The following G3BP2 variants were observed in gnomAD, a reference collection of about 807,000 sequenced individuals.
G3BP2 encodes the protein G3BP stress granule assembly factor 2, also known as ras GTPase-activating protein-binding protein 2.
In G3BP2, 11 loss-of-function variants were observed where a neutral mutation model predicts 56.7. The observed-to-expected ratio is 0.19, with a 90% CI of 0.12 to 0.32. The LOEUF (loss-of-function observed/expected upper bound fraction) is 0.32. Among genes scored for constraint, G3BP2 ranks in the 10% least tolerant of loss-of-function variants. The pLI is 1.00. For synonymous variants in G3BP2, 165 were observed against 191.6 expected (o/e 0.86, Z 1.15); for missense variants, 340 against 610.9 (o/e 0.56, Z 4.67).
chr4:75,669,360 C>T (rs976487490), intron 1 of G3BP2, among the ~76,000 whole-genome samples: 2 of 152,178 alleles, frequency 1.3e-5, no homozygotes, highest in African/African-American at 4.8e-5. Context: ...GACTTTCTCC[C>T]CTTTAGCTTT....
chr4:75,683,664 A>C (rs1404838239), intron 3 of G3BP2, among the ~76,000 whole-genome samples: 1 of 152,084 alleles, frequency 6.6e-6, no homozygotes, highest in African/African-American at 2.4e-5. Context: ...TGCCACTCTG[A>C]CCTATATGCC....
intron 3 of G3BP2, among the ~76,000 whole-genome samples, chr4:75,658,140 G>A (rs958365829): frequency 6.6e-6 from 1 of 152,070 alleles, no homozygotes; most frequent in African/African-American, 2.4e-5. Context: ...TCCCTGTTAG[G>A]CCATAGGAAA....
intron 8 of G3BP2, among the ~76,000 whole-genome samples, chr4:75,653,574 T>G (rs1268603494): frequency 2.1e-5 from 3 of 139,744 alleles, no homozygotes; most frequent in Non-Finnish European, 3.0e-5. Flanking sequence ...TTCCTGGTTT[T>G]TTTTTTTTTT....
chr4:75,667,038 A>G (rs1460698701), intron 1 of G3BP2, among the ~76,000 whole-genome samples: 1 of 152,122 alleles, frequency 6.6e-6, no homozygotes, highest in Non-Finnish European at 1.5e-5. Flanking sequence ...TGTAATCCCA[A>G]TATTTTGGGA....
intron 3 of G3BP2, among the ~76,000 whole-genome samples, chr4:75,704,166 G>C (rs933237616): frequency 1.3e-5 from 2 of 151,704 alleles, no homozygotes; most frequent in East Asian, 1.9e-4. Context: ...TTACAGGCAC[G>C]CGCCACCATG....
At chr4:75,668,684 C>A (rs1349524458) in intron 1 of G3BP2, among the ~76,000 whole-genome samples, 1 of 152,126 alleles carries the variant, frequency 6.6e-6, no homozygotes, top group Admixed American at 6.5e-5. Flanking sequence ...AGTCTGTTAA[C>A]AAGAAGCAGG....
intron 1 of G3BP2, among the ~76,000 whole-genome samples, chr4:75,669,966 C>T (rs562095075): frequency 4.3e-4 from 66 of 152,218 alleles, no homozygotes; most frequent in Non-Finnish European, 7.2e-4. Context: ...CAGTGGCGGG[C>T]GCCTGTAATC....
chr4:75,694,586 A>G (rs1489019484), intron 3 of G3BP2, among the ~76,000 whole-genome samples: 3 of 152,364 alleles, frequency 2.0e-5, no homozygotes, highest in African/African-American at 7.2e-5. Context: ...CCTGGACGAC[A>G]GGGCGAGACT....
At chr4:75,664,329 C>T (rs1732819047) in intron 1 of G3BP2, among the ~76,000 whole-genome samples, 1 of 152,086 alleles carries the variant, frequency 6.6e-6, no homozygotes, top group Non-Finnish European at 1.5e-5. Flanking sequence ...GTAATCCCAG[C>T]ACTTCAGGAG....
At position 75,643,295 on chromosome 4, in the gene G3BP2, T is replaced by TTATATATATATATA. The variant is rs6148524; in HGVS notation, c.*2121_*2134dup. ...GCAGGGCAATATCCTGAATTGGAAATTATATATATATATATATATATGGAA... is the reference window on the plus strand; with the variant it reads ...GCAGGGCAATATCCTGAATTGGAAATTATATATATATATATATATATATATATATATATATGGAA... On this transcript the variant is annotated 3_prime_UTR_variant, in exon 12 of 12. Transcript: ENST00000359707. 8.0e-3 allele frequency: 797 copies of TTATATATATATATA among 99,924 alleles called. 72 individuals carry two copies. Among genetic ancestry groups the TTATATATATATATA allele is most frequent in the Non-Finnish European group, 0.011 (490 of 46,290 alleles). The allele number at this position is 99,924 out of a possible 1,614,324, so 6.2% of individuals were successfully genotyped here.
intron 3 of G3BP2, among the ~76,000 whole-genome samples, chr4:75,681,178 G>A (rs1279487763): frequency 1.3e-5 from 2 of 151,072 alleles, no homozygotes; most frequent in Admixed American, 6.6e-5. Context: ...ATAAAAATTT[G>A]CCGGGCGTGG....
At chr4:75,694,248 G>T (rs1235811772) in intron 3 of G3BP2, among the ~76,000 whole-genome samples, 3 of 152,200 alleles carry the variant, frequency 2.0e-5, no homozygotes, top group Non-Finnish European at 4.4e-5. Context: ...ACTGTGGCCT[G>T]AAGTACAAGG....
chr4:75,702,055 G>T (rs1441539870), intron 3 of G3BP2, among the ~76,000 whole-genome samples: 3 of 151,734 alleles, frequency 2.0e-5, no homozygotes, highest in Non-Finnish European at 4.4e-5. Context: ...CACCTAAACA[G>T]ATATTGTCAC....
At chr4:75,713,176 A>T (rs1719818522) in intron 3 of G3BP2, among the ~76,000 whole-genome samples, 1 of 152,204 alleles carries the variant, frequency 6.6e-6, no homozygotes, top group Admixed American at 6.5e-5. Flanking sequence ...ATCAAAACAA[A>T]ACAAGAAAAT....
intron 10 of G3BP2, 46 bp from the exon 11 acceptor site, chr4:75,646,502 A>C (rs1220112097): frequency 2.9e-6 from 3 of 1,031,130 alleles, no homozygotes; most frequent in Admixed American, 1.8e-5. Flanking sequence ...TTTTAACAGA[A>C]TACCTTGATG....
upstream of G3BP2, among the ~76,000 whole-genome samples, chr4:75,678,226 G>C (rs971464448): frequency 1.3e-5 from 2 of 152,080 alleles, no homozygotes; most frequent in African/African-American, 4.8e-5. Flanking sequence ...TGCGATCATA[G>C]CTCATTGCAG....
chr4:75,673,594 C>T (rs1397052309), upstream of G3BP2: 1 of 1,231,832 alleles, frequency 8.1e-7, no homozygotes, highest in Non-Finnish European at 1.0e-6. Flanking sequence ...GCCCGGAAAG[C>T]CGGGGAACCG....
intron 7 of G3BP2, among the ~76,000 whole-genome samples, chr4:75,654,484 GA>G (rs1731936336): frequency 6.6e-6 from 1 of 152,184 alleles, no homozygotes; most frequent in Non-Finnish European, 1.5e-5. Context: ...GTATTAGCTG[GA>G]AACTCTGACA....
At chr4:75,698,769 T>C (rs775322224) in intron 3 of G3BP2, among the ~76,000 whole-genome samples, 6 of 152,108 alleles carry the variant, frequency 3.9e-5, no homozygotes, top group Admixed American at 6.6e-5. Flanking sequence ...AGTGACATGA[T>C]CACGGCTCAC....
Sources: gnomAD v4.1 joint callset for allele counts (sites outside exome capture counted in the v4.1 genomes callset) on GRCh38, gnomAD v4.1.1 for gene constraint, MANE v1.5 for transcripts, NCBI Gene and HGNC (gene_info 2026-07-23, HGNC 2026-07-21) for gene names.